Variants in SLC24A2 observed in about 807,000 individuals in gnomAD.
The protein encoded by SLC24A2 is sodium/potassium/calcium exchanger 2.
A neutral mutation model predicts 62.0 loss-of-function variants in SLC24A2; 36 were observed. The observed-to-expected ratio is 0.58, with a 90% CI of 0.44 to 0.77. The LOEUF is 0.77. Ranked by LOEUF, SLC24A2 falls within the 30% of genes least tolerant of loss-of-function variation. SLC24A2 has a pLI of 0.00. For synonymous variants in SLC24A2, 358 were observed against 294.0 expected, an observed-to-expected ratio of 1.22 and a Z score of -2.23; for missense variants, 846 against 817.9, an observed-to-expected ratio of 1.03 and a Z score of -0.42.
chr9:19,768,267 A>C (rs867608467), intron 2 of SLC24A2, among the ~76,000 whole-genome samples: 58 of 152,226 alleles, frequency 3.8e-4, no homozygotes, highest in African/African-American at 1.4e-3. Context: ...CTCCCTTACA[A>C]ATACCTCTAA....
At chr9:19,876,469 A>G in the SLC24A2 span, among the ~76,000 whole-genome samples, 2 of 151,608 alleles carry the variant, frequency 1.3e-5, no homozygotes, top group Admixed American at 6.6e-5. Flanking sequence ...CTATGTGAAG[A>G]CCCTCTGGCT....
chr9:19,870,617 A>G, the SLC24A2 span, among the ~76,000 whole-genome samples: 1 of 152,100 alleles, frequency 6.6e-6, no homozygotes, highest in African/African-American at 2.4e-5. Flanking sequence ...CCATTTTACT[A>G]TCCCACCAGC....
the SLC24A2 span, among the ~76,000 whole-genome samples, chr9:19,950,684 C>A: frequency 6.6e-6 from 1 of 152,254 alleles, no homozygotes; most frequent in South Asian, 2.1e-4. Context: ...ACAAAAATCA[C>A]CCCCCTCATG....
intron 10 of SLC24A2, 92 bp from the exon 11 acceptor site, chr9:19,516,494 T>A: frequency 7.0e-7 from 1 of 1,437,444 alleles, no homozygotes. Context: ...ATTATTACCT[T>A]CTCAGGAACT....
At chr9:19,645,606 G>A (rs1322544597) in intron 2 of SLC24A2, among the ~76,000 whole-genome samples, 1 of 152,156 alleles carries the variant, frequency 6.6e-6, no homozygotes, top group Non-Finnish European at 1.5e-5. Context: ...GCACTTTCCA[G>A]GTGAGTTCCG....
chr9:20,103,058 C>T, the SLC24A2 span, among the ~76,000 whole-genome samples: 1 of 152,230 alleles, frequency 6.6e-6, no homozygotes, highest in Non-Finnish European at 1.5e-5. Flanking sequence ...CCACGCCTGG[C>T]TTGGAGTGTC....
the SLC24A2 span, among the ~76,000 whole-genome samples, chr9:19,878,677 C>T: frequency 1.3e-5 from 2 of 152,138 alleles, no homozygotes; most frequent in South Asian, 4.2e-4. Context: ...CTCTCTTTCT[C>T]TTGCCCTGGC....
the SLC24A2 span, among the ~76,000 whole-genome samples, chr9:20,283,295 T>C: frequency 6.6e-6 from 1 of 152,246 alleles, no homozygotes; most frequent in Non-Finnish European, 1.5e-5. Context: ...AGAATGCTTA[T>C]GTGCATAGGA....
the SLC24A2 span, among the ~76,000 whole-genome samples, chr9:20,274,284 T>C: frequency 1.5e-4 from 23 of 152,108 alleles, no homozygotes; most frequent in Admixed American, 1.3e-3. Context: ...CTCTTCTACA[T>C]AGAGTGATTG....
At chr9:20,028,442 C>G in the SLC24A2 span, among the ~76,000 whole-genome samples, 1 of 152,110 alleles carries the variant, frequency 6.6e-6, no homozygotes, top group African/African-American at 2.4e-5. Context: ...ATTTTTTGCT[C>G]AAACACCTCC....
intron 2 of SLC24A2, among the ~76,000 whole-genome samples, chr9:19,712,894 T>G (rs1394438900): frequency 1.3e-5 from 2 of 152,122 alleles, no homozygotes; most frequent in Non-Finnish European, 2.9e-5. Flanking sequence ...CTTACCCCAG[T>G]TGTGACAATT....
chr9:20,297,357 A>T, the SLC24A2 span, among the ~76,000 whole-genome samples: 1 of 152,220 alleles, frequency 6.6e-6, no homozygotes, highest in Non-Finnish European at 1.5e-5. Flanking sequence ...CCTGAAGACC[A>T]AAGAAGCAGA....
At chr9:20,196,885 G>T in the SLC24A2 span, among the ~76,000 whole-genome samples, 2 of 152,110 alleles carry the variant, frequency 1.3e-5, no homozygotes, top group African/African-American at 4.8e-5. Context: ...CAATTCCTTT[G>T]TCCATGCATA....
intron 2 of SLC24A2, among the ~76,000 whole-genome samples, chr9:19,777,594 T>C (rs936088561): frequency 1.3e-5 from 2 of 152,150 alleles, no homozygotes; most frequent in Non-Finnish European, 2.9e-5. Context: ...AAAGGCTCCA[T>C]AATAGGCCAA....
At chr9:20,058,328 G>A in the SLC24A2 span, among the ~76,000 whole-genome samples, 2 of 152,080 alleles carry the variant, frequency 1.3e-5, no homozygotes, top group Non-Finnish European at 2.9e-5. Context: ...GACCCCAGTG[G>A]AAAACATAAC....
chr9:20,236,430 G>C, the SLC24A2 span, among the ~76,000 whole-genome samples: 1 of 152,300 alleles, frequency 6.6e-6, no homozygotes, highest in Non-Finnish European at 1.5e-5. Context: ...GGTTTGAAAG[G>C]GAGGAGGCCA....
the SLC24A2 span, among the ~76,000 whole-genome samples, chr9:19,912,210 A>G: frequency 6.6e-6 from 1 of 152,098 alleles, no homozygotes; most frequent in East Asian, 1.9e-4. Context: ...TACAAATGTC[A>G]GAGCTGGAAA....
chr9:19,913,973 A>G, the SLC24A2 span, among the ~76,000 whole-genome samples: 1 of 152,014 alleles, frequency 6.6e-6, no homozygotes, highest in African/African-American at 2.4e-5. Context: ...TCCTTCTCCA[A>G]AAAACCTACA....
At position 19,576,925 on chromosome 9, in the gene SLC24A2, C is replaced by T. The variant is rs199516375; in HGVS notation, c.1227G>A (p.Val409=). Residue 409 remains valine (V), a splice_region_variant and synonymous_variant, in exon 6 of 11, where the codon GTG becomes GTA. Transcript: ENST00000341998. Reference sequence around the variant, plus strand: ...GGGTGGATGTTTCCCTGCACTCACCCACGTGGTTGGCAGCCCCATTCTGCC... The same window carrying T: ...GGGTGGATGTTTCCCTGCACTCACCTACGTGGTTGGCAGCCCCATTCTGCC... The part of the protein sequence containing the change: ...NERQNGAANH[V]EKIELPNSTS... 4.8e-5 allele frequency: 78 copies of T among 1,610,776 alleles called. No individual in the cohort carries two copies. Among genetic ancestry groups the T allele is most frequent in the Admixed American group, 2.8e-4 (17 of 60,024 alleles).
Sources: allele counts gnomAD v4.1 joint callset (sites outside exome capture counted in the v4.1 genomes callset), GRCh38; gene constraint gnomAD v4.1.1; transcripts MANE v1.5; gene names NCBI Gene and HGNC (gene_info 2026-07-23, HGNC 2026-07-21).